The following MYO1H variants were observed in gnomAD, a reference collection of about 807,000 sequenced individuals.
MYO1H encodes myosin IH.
A neutral mutation model predicts 149.3 loss-of-function variants in MYO1H; 118 were observed. That is an observed-to-expected ratio of 0.79 (90% CI 0.68 to 0.92). The LOEUF (loss-of-function observed/expected upper bound fraction) is 0.92, where lower values mean the gene tolerates loss of function less well. MYO1H is among the 40% of genes least tolerant of loss of function. MYO1H has a pLI of 0.00. For missense variants in MYO1H, 1,212 were observed against 1,280.7 expected, an observed-to-expected ratio of 0.95 and a Z score of 0.82; for synonymous variants, 447 against 465.2, an observed-to-expected ratio of 0.96 and a Z score of 0.50.
intron 1 of MYO1H, among the ~76,000 whole-genome samples, 188 bp from the exon 2 acceptor site, chr12:109,388,495 C>G (rs1167258949): frequency 6.6e-6 from 1 of 152,132 alleles, no homozygotes; most frequent in East Asian, 1.9e-4. Context: ...TCAGCTGCTG[C>G]TATTCCTATT....
intron 19 of MYO1H, among the ~76,000 whole-genome samples, chr12:109,429,499 T>C (rs1242259749): frequency 2.6e-5 from 4 of 152,202 alleles, no homozygotes; most frequent in Admixed American, 2.6e-4. Flanking sequence ...TATGTAGTAT[T>C]TACATAGTAT....
chr12:109,361,166 T>G (rs542876838), intron 1 of MYO1H, among the ~76,000 whole-genome samples: 21 of 152,318 alleles, frequency 1.4e-4, no homozygotes, highest in Admixed American at 1.3e-3. Context: ...GCAATGTTTT[T>G]AAAAGGCTTA....
chr12:109,395,854 T>C (rs1359014560), intron 3 of MYO1H, among the ~76,000 whole-genome samples: 2 of 151,802 alleles, frequency 1.3e-5, no homozygotes, highest in African/African-American at 4.8e-5. Context: ...TTTTGTTTTT[T>C]TGTTTTTCGG....
the MYO1H span, among the ~76,000 whole-genome samples, chr12:109,331,092 A>G: frequency 1.3e-5 from 2 of 152,122 alleles, no homozygotes; most frequent in Non-Finnish European, 2.9e-5. Flanking sequence ...TCATTTTTCT[A>G]ATTTACTGTA....
chr12:109,409,720 C>T, intron 11 of MYO1H, 96 bp downstream of exon 11: 1 of 1,062,302 alleles, frequency 9.4e-7, no homozygotes, highest in Non-Finnish European at 1.5e-6. Flanking sequence ...GATTGATTTC[C>T]CTGTCCCCAG....
At chr12:109,360,095 T>G (rs1268863349) in intron 1 of MYO1H, among the ~76,000 whole-genome samples, 1 of 151,352 alleles carries the variant, frequency 6.6e-6, no homozygotes, top group Admixed American at 6.6e-5. Flanking sequence ...TTGGCTACCC[T>G]TCTTTTTTCT....
chr12:109,405,845 A>G (rs972016902), intron 7 of MYO1H, 77 bp from the exon 8 acceptor site: 2 of 994,526 alleles, frequency 2.0e-6, no homozygotes, highest in African/African-American at 1.6e-5. Context: ...TCCACTAATG[A>G]CATGTATCAA....
chr12:109,419,076 C>G (rs977201456), intron 15 of MYO1H, among the ~76,000 whole-genome samples: 4 of 152,148 alleles, frequency 2.6e-5, no homozygotes, highest in Admixed American at 2.0e-4. Context: ...AAGGAAAACT[C>G]AAATGCCTTT....
chr12:109,335,319 G>A, the MYO1H span, among the ~76,000 whole-genome samples: 1 of 151,806 alleles, frequency 6.6e-6, no homozygotes, highest in South Asian at 2.1e-4. Context: ...AGCAGGTGTG[G>A]GGGGGTGCCA....
intron 10 of MYO1H, among the ~76,000 whole-genome samples, chr12:109,409,225 T>TTCTTCTTCTTCTTC (rs1566031713): frequency 4.8e-5 from 5 of 105,090 alleles, no homozygotes; most frequent in Admixed American, 1.1e-4. Context: ...CCTTCTTCTT[T>TTCTTCTTCTTCTTC]TTCTTCTTCT....
At chr12:109,343,586 A>G (rs930515770), upstream of MYO1H, among the ~76,000 whole-genome samples, 1 of 152,210 alleles carries the variant, frequency 6.6e-6, no homozygotes, top group African/African-American at 2.4e-5. Flanking sequence ...CCCCCAACCC[A>G]TATGCCACTG....
At chr12:109,311,151 GTC>G in the MYO1H span, among the ~76,000 whole-genome samples, 20 of 152,284 alleles carry the variant, frequency 1.3e-4, no homozygotes, top group South Asian at 3.9e-3. Flanking sequence ...GAAAGAAATT[GTC>G]TCTTCTGAAA....
At chr12:109,437,633 C>G (rs1592819059) in intron 22 of MYO1H, among the ~76,000 whole-genome samples, 1 of 152,114 alleles carries the variant, frequency 6.6e-6, no homozygotes, top group East Asian at 1.9e-4. Context: ...AAACAAGTGG[C>G]AGGCTGTAGT....
In MYO1H at chr12:109,416,689, G is replaced by A. The variant is rs536970731; in HGVS notation, c.1597+1069G>A. 1.6e-4 allele frequency among the ~76,000 whole-genome samples: 24 copies of A among 152,162 alleles called. 1 individual carries two copies. In the East Asian group the frequency reaches 4.2e-3, roughly 27 times the overall value. ...TATATACGTAGGAATGGAATTATTAGATTAGATATGGTAACTCGGCCGGGT... is the reference window on the plus strand; with the variant it reads ...TATATACGTAGGAATGGAATTATTAAATTAGATATGGTAACTCGGCCGGGT... On this transcript the variant is annotated intron_variant, in intron 15 of 31. Coordinates refer to ENST00000310903, the Ensembl canonical transcript of MYO1H.
exon 30 of MYO1H, chr12:109,444,450 T>C (rs1566046079): frequency 3.1e-6 from 5 of 1,613,994 alleles, no homozygotes; most frequent in African/African-American, 1.3e-5. Context: ...CGTTTTGCAG[T>C]GTGGACACGT....
Position 109,406,036 on chromosome 12 carries a change from GTGAT to G in MYO1H, c.963+2_963+5del, listed in dbSNP as rs1178341118. On this transcript the variant is annotated splice_donor_variant and splice_donor_5th_base_variant and intron_variant, in intron 8 of 31. Transcript: ENST00000310903. LOFTEE classifies it high-confidence loss of function. ...CCATGAGATCAAGTGGATAGCCAAGGTGATGCTCCTCTTTTGGAGAGGACAGAAG... is the reference window on the plus strand; with the variant it reads ...CCATGAGATCAAGTGGATAGCCAAGGGCTCCTCTTTTGGAGAGGACAGAAG... The G allele has an allele frequency of 6.2e-7, 1 of 1,602,714 alleles. No individual in the cohort carries two copies. The highest frequency in any genetic ancestry group is 1.7e-5 in the Admixed American group (1 of 59,932).
At chr12:109,404,163 T>A in intron 7 of MYO1H, 83 bp downstream of exon 7, 1 of 1,023,936 alleles carries the variant, frequency 9.8e-7, no homozygotes, top group Non-Finnish European at 1.5e-6. Flanking sequence ...CAGAATACAG[T>A]GGCCAAATTC....
At chr12:109,407,951 C>T (rs772423373) in intron 10 of MYO1H, 38 bp downstream of exon 10, 31 of 1,586,944 alleles carry the variant, frequency 2.0e-5, no homozygotes, top group South Asian at 4.4e-5. Flanking sequence ...CTCTTGCTCA[C>T]GTGGTGATGT....
intron 27 of MYO1H, among the ~76,000 whole-genome samples, chr12:109,443,272 G>GTATA (rs1872305386): frequency 1.4e-5 from 2 of 139,078 alleles, no homozygotes; most frequent in African/African-American, 5.3e-5. Context: ...GTATATGTGT[G>GTATA]TGTATATGTG....
Sources: allele counts gnomAD v4.1 joint callset (sites outside exome capture counted in the v4.1 genomes callset), GRCh38; gene constraint gnomAD v4.1.1; transcripts MANE v1.5; gene names NCBI Gene and HGNC (gene_info 2026-07-23, HGNC 2026-07-21).